The following HTR7 variants were observed in gnomAD, a reference collection of about 807,000 sequenced individuals.
HTR7 encodes the protein 5-hydroxytryptamine receptor 7, also known as 5-HT-7.
Under a neutral mutation model 34.0 loss-of-function variants are expected in HTR7, and 16 were observed. The observed-to-expected ratio is 0.47, with a 90% CI of 0.32 to 0.71. The LOEUF (loss-of-function observed/expected upper bound fraction) is 0.71. Among genes scored for constraint, HTR7 ranks in the 30% least tolerant of loss-of-function variants. HTR7 has a pLI of 0.04. For missense variants in HTR7, 504 were observed against 625.5 expected, an observed-to-expected ratio of 0.81 and a Z score of 2.07; for synonymous variants, 265 against 260.2, an observed-to-expected ratio of 1.02 and a Z score of -0.18.
At chr10:90,801,337 C>T (rs990647781) in intron 1 of HTR7, among the ~76,000 whole-genome samples, 20 of 152,074 alleles carry the variant, frequency 1.3e-4, no homozygotes, top group African/African-American at 4.8e-4. Flanking sequence ...TAGATTTGAC[C>T]AACTCTTCCT....
intron 2 of HTR7, among the ~76,000 whole-genome samples, chr10:90,746,253 G>C (rs935626875): frequency 6.6e-6 from 1 of 152,070 alleles, no homozygotes; most frequent in Admixed American, 6.6e-5. Context: ...CTCAGCAAAC[G>C]CATGTTATTA....
chr10:90,845,006 G>A (rs1846392278), intron 1 of HTR7, among the ~76,000 whole-genome samples: 1 of 152,156 alleles, frequency 6.6e-6, no homozygotes, highest in African/African-American at 2.4e-5. Flanking sequence ...AGGCTACTGT[G>A]AGTGCCCAAC....
chr10:90,857,734 C>T lies in HTR7; in HGVS notation c.-63G>A. The stretch of plus-strand genomic sequence containing the variant: ...CCGGCCACGCGCCTCCGGCTGCCGG[C>T]CCCGGGGCTTCACCTCACCGGTTCC... On this transcript the variant is annotated 5_prime_UTR_variant, in exon 1 of 4. Coordinates refer to ENST00000336152, the MANE Select transcript of HTR7 (RefSeq NM_019859.4). The surrounding 1 kb of genome is among the most constrained non-coding windows in gnomAD (Gnocchi z 6.5). 1 of 1,395,418 alleles carries T rather than the reference C, an allele frequency of 7.2e-7. No homozygotes were observed. Among genetic ancestry groups the T allele is most frequent in the Non-Finnish European group, 9.2e-7 (1 of 1,082,418 alleles). 86.4% of individuals were successfully genotyped at this position (1,395,418 alleles called of 1,614,324 possible).
chr10:90,857,121 T>C lies in HTR7; in HGVS notation c.539+12A>G, dbSNP rs1417878385. 1 of 1,548,048 alleles carries C rather than the reference T, an allele frequency of 6.5e-7. No homozygotes were observed. Among genetic ancestry groups the C allele is most frequent in the Admixed American group, 1.9e-5 (1 of 53,394 alleles). ...CCAGCCGGAGCCTGGGACGGGGCGGTCCGGCCCTTACCTGTCAATGCTGAT... is the reference window on the plus strand; with the variant it reads ...CCAGCCGGAGCCTGGGACGGGGCGGCCCGGCCCTTACCTGTCAATGCTGAT... On this transcript the variant is annotated intron_variant, in intron 1 of 3. Transcript: ENST00000336152. This position sits in a 1 kb window ranked among gnomAD's most constrained non-coding sequence, Gnocchi z 6.5.
intron 1 of HTR7, among the ~76,000 whole-genome samples, chr10:90,843,787 G>A (rs1000904192): frequency 2.0e-5 from 3 of 152,312 alleles, no homozygotes; most frequent in African/African-American, 4.8e-5. Context: ...AGCAGAAGCT[G>A]GCAAGCTCCA....
chr10:90,857,146 T>C lies in HTR7; in HGVS notation c.526A>G (p.Ile176Val). ...TCCGGCCCTTACCTGTCAATGCTGA[T>C]CACGCACAGGGTCATGATCGAGGCC... ...CTASIMTLCVISIDRYLGITR... is the reference protein window; with the variant it reads ...CTASIMTLCVVSIDRYLGITR... The change falls in exon 1 of 4, where the codon ATC becomes GTC. Residue 176 changes from isoleucine (I) to valine (V), a missense_variant. Physicochemically the swap from Ile to Val is conservative, Grantham distance 29. Coordinates refer to ENST00000336152, the MANE Select transcript of HTR7 (RefSeq NM_019859.4). This position sits in a 1 kb window ranked among gnomAD's most constrained non-coding sequence, Gnocchi z 6.5. The C allele has an allele frequency of 6.3e-7, 1 of 1,597,366 alleles. No homozygotes were observed. The highest frequency in any genetic ancestry group is 1.1e-5 in the South Asian group (1 of 88,380).
At chr10:90,818,633 C>T (rs1314649096) in intron 1 of HTR7, among the ~76,000 whole-genome samples, 1 of 152,142 alleles carries the variant, frequency 6.6e-6, no homozygotes, top group Non-Finnish European at 1.5e-5. Flanking sequence ...CTTCCACCAT[C>T]TGCCATGGAA....
intron 1 of HTR7, among the ~76,000 whole-genome samples, chr10:90,819,829 T>G (rs1341701846): frequency 1.3e-5 from 2 of 151,966 alleles, no homozygotes; most frequent in Non-Finnish European, 2.9e-5. Flanking sequence ...ACTAAAAGGC[T>G]TATCCCAGAG....
chr10:90,816,797 G>C (rs530089322), intron 1 of HTR7, among the ~76,000 whole-genome samples: 1 of 152,244 alleles, frequency 6.6e-6, no homozygotes. Context: ...CTCTAAGCCC[G>C]GGGACTATCA....
chr10:90,744,460 A>G (rs989471034), intron 2 of HTR7, among the ~76,000 whole-genome samples: 1 of 151,664 alleles, frequency 6.6e-6, no homozygotes, highest in African/African-American at 2.4e-5. Context: ...AGTCTTGACC[A>G]TTTTGATGAC....
At chr10:90,815,871 G>C in intron 1 of HTR7, among the ~76,000 whole-genome samples, 1 of 152,134 alleles carries the variant, frequency 6.6e-6, no homozygotes, top group Non-Finnish European at 1.5e-5. Flanking sequence ...TGCAGGTTTT[G>C]GCAAAAGTCT....
chr10:90,814,410 CAGAACAACACGAGA>C (rs1284339246), intron 1 of HTR7, among the ~76,000 whole-genome samples: 4 of 152,130 alleles, frequency 2.6e-5, no homozygotes, highest in African/African-American at 9.7e-5. Context: ...TACTGTTGTC[CAGAACAACACGAGA>C]AGCCGTAGCA....
At position 90,825,806 on chromosome 10, in the gene HTR7, T is replaced by TC. The variant is rs1452740351; in HGVS notation, c.539+31326dup. Among the ~76,000 whole-genome samples the TC allele has an allele frequency of 2.8e-4, 42 of 151,988 alleles. No homozygotes were observed. The East Asian group carries it at 3.9e-3, about 14-fold the overall frequency. ...AGACAGGCTATTTGGAAATACACAG[T>TC]CAGAGAAGACAAAATGAAAAAAGAA... On this transcript the variant is annotated intron_variant, in intron 1 of 3. Transcript: ENST00000336152.
intron 1 of HTR7, among the ~76,000 whole-genome samples, chr10:90,756,049 C>T (rs955809625): frequency 1.3e-5 from 2 of 152,154 alleles, no homozygotes; most frequent in South Asian, 2.1e-4. Context: ...TGAGAATGAA[C>T]CCACTACTGC....
At chr10:90,818,512 C>T (rs1024049125) in intron 1 of HTR7, among the ~76,000 whole-genome samples, 3 of 152,096 alleles carry the variant, frequency 2.0e-5, no homozygotes, top group Admixed American at 6.6e-5. Context: ...CACCATTGCA[C>T]TCCAGCCTGA....
intron 1 of HTR7, among the ~76,000 whole-genome samples, chr10:90,771,588 T>C (rs1845112631): frequency 6.6e-6 from 1 of 152,210 alleles, no homozygotes; most frequent in Admixed American, 6.5e-5. Flanking sequence ...GCAGTGTGCC[T>C]GGTCCAGCCA....
Position 90,749,402 on chromosome 10 carries a change from G to A in HTR7, c.732C>T (p.Thr244=), listed in dbSNP as rs550023438. The change falls in exon 2 of 4, where the codon ACC becomes ACT. Residue 244 remains threonine, a synonymous_variant. Transcript: ENST00000336152. The surrounding 1 kb of genome is among the most constrained non-coding windows in gnomAD (Gnocchi z 4.2). Reference sequence around the variant, plus strand: ...ACATGGGGATATAAAATGCCACTGCGGTAGAGTAAATCGTATAGCCAAAGT... The same window carrying A: ...ACATGGGGATATAAAATGCCACTGCAGTAGAGTAAATCGTATAGCCAAAGT... ...SQDFGYTIYS[T]AVAFYIPMSV... is the part of the protein sequence containing the mutation. 42 of 1,614,078 alleles carry A rather than the reference G, an allele frequency of 2.6e-5. No individual in the cohort carries two copies. Among genetic ancestry groups the A allele is most frequent in the South Asian group, 2.4e-4 (22 of 91,082 alleles).
chr10:90,831,084 C>A (rs367762505), intron 1 of HTR7, among the ~76,000 whole-genome samples: 2 of 152,196 alleles, frequency 1.3e-5, no homozygotes. Context: ...CTGTATCAAT[C>A]AGGGTCTCAG....
In HTR7 at chr10:90,749,447, C is replaced by T. The variant is rs1589434576; in HGVS notation, c.687G>A (p.Lys229=). 1 of 1,614,104 alleles carries T rather than the reference C, an allele frequency of 6.2e-7. No individual in the cohort carries two copies. Among genetic ancestry groups the T allele is most frequent in the Non-Finnish European group, 8.5e-7 (1 of 1,180,018 alleles). The stretch of plus-strand genomic sequence containing the variant: ...CAAAGTCCTGGCTGATCAAGCACAC[C>T]TTATCATCATTTACATTCTGAGCCC... The part of the protein sequence containing the change: ...FGWAQNVNDD[K]VCLISQDFGY... Residue 229 remains lysine, a synonymous_variant, in exon 2 of 4, where the codon AAG becomes AAA. Transcript: ENST00000336152. The surrounding 1 kb of genome is among the most constrained non-coding windows in gnomAD (Gnocchi z 4.2).
Sources: gnomAD v4.1 joint callset for allele counts (sites outside exome capture counted in the v4.1 genomes callset) on GRCh38, gnomAD v4.1.1 for gene constraint, Gnocchi (gnomAD v3.1) non-coding constraint, MANE v1.5 for transcripts, NCBI Gene and HGNC (gene_info 2026-07-23, HGNC 2026-07-21) for gene names.